The following KDM4C variants were observed in gnomAD, a reference collection of about 807,000 sequenced individuals.
KDM4C encodes lysine-specific demethylase 4C.
A neutral mutation model predicts 129.3 loss-of-function variants in KDM4C; 81 were observed. The observed-to-expected ratio is 0.63, with a 90% confidence interval of 0.52 to 0.75. KDM4C has a LOEUF of 0.75. Among genes scored for constraint, KDM4C ranks in the 30% least tolerant of loss-of-function variants. The probability of loss-of-function intolerance (pLI) is 0.00; values close to 1 mark genes in which losing one functional copy is unlikely to be tolerated. For synonymous variants in KDM4C, 573 were observed against 456.1 expected, an observed-to-expected ratio of 1.26 and a Z score of -3.26; for missense variants, 1,457 against 1,304.0, an observed-to-expected ratio of 1.12 and a Z score of -1.81.
At chr9:6,987,688 T>G (rs1817967748) in intron 11 of KDM4C, among the ~76,000 whole-genome samples, 1 of 152,172 alleles carries the variant, frequency 6.6e-6, no homozygotes, top group South Asian at 2.1e-4. Context: ...AAATGTTAAT[T>G]AAAATATACT....
intron 3 of KDM4C, among the ~76,000 whole-genome samples, chr9:6,809,950 G>A (rs1207173238): frequency 5.3e-5 from 8 of 151,878 alleles, no homozygotes; most frequent in Non-Finnish European, 1.2e-4. Context: ...TGATTGCACC[G>A]TTGTACTCCA....
chr9:7,127,337 T>G (rs1319097541), intron 18 of KDM4C, among the ~76,000 whole-genome samples: 1 of 152,100 alleles, frequency 6.6e-6, no homozygotes, highest in Non-Finnish European at 1.5e-5. Context: ...TTGATCAGGA[T>G]CAAAATTAAC....
chr9:7,049,392 T>G (rs915078630), intron 17 of KDM4C, among the ~76,000 whole-genome samples, 192 bp downstream of exon 17: 3 of 152,120 alleles, frequency 2.0e-5, no homozygotes, highest in African/African-American at 7.2e-5. Context: ...AGTTTGCATA[T>G]AACCTTCCTC....
At chr9:7,062,987 CTT>C (rs1831921349) in intron 17 of KDM4C, among the ~76,000 whole-genome samples, 1 of 152,070 alleles carries the variant, frequency 6.6e-6, no homozygotes, top group Non-Finnish European at 1.5e-5. Context: ...GAAGCACAAA[CTT>C]TATGAAACTC....
In KDM4C at chr9:6,774,291, T is replaced by A. The variant is rs551252117; in HGVS notation, c.-18+16088T>A. On this transcript the variant is annotated intron_variant, in intron 1 of 21. Coordinates refer to ENST00000381309, the MANE Select transcript of KDM4C (RefSeq NM_015061.6). ...ACCAGGCATGCAGGTTTGTCTTCCT[T>A]TAGGTAATATACAAACATATGGAAC... Among the ~76,000 whole-genome samples the A allele has an allele frequency of 5.3e-4, 81 of 152,322 alleles. 1 individual carries two copies. Among genetic ancestry groups the A allele is most frequent in the Admixed American group, 5.3e-3 (81 of 15,298 alleles).
At chr9:7,021,120 ATG>A (rs576805327) in intron 15 of KDM4C, among the ~76,000 whole-genome samples, 13 of 128,262 alleles carry the variant, frequency 1.0e-4, no homozygotes, top group Admixed American at 1.7e-4. Context: ...ACATATATAT[ATG>A]TGTGTGTGTG....
intron 8 of KDM4C, among the ~76,000 whole-genome samples, chr9:6,975,930 C>A (rs773972970): frequency 6.6e-6 from 1 of 152,092 alleles, no homozygotes; most frequent in Non-Finnish European, 1.5e-5. Flanking sequence ...CCCAGCTACT[C>A]GGGAGGCTGA....
At chr9:6,861,614 A>G (rs987447243) in intron 5 of KDM4C, among the ~76,000 whole-genome samples, 1 of 152,172 alleles carries the variant, frequency 6.6e-6, no homozygotes, top group Non-Finnish European at 1.5e-5. Flanking sequence ...AACATACCTC[A>G]AACTTAATAT....
intron 17 of KDM4C, among the ~76,000 whole-genome samples, chr9:7,089,552 G>A (rs926311926): frequency 5.1e-4 from 78 of 152,170 alleles, no homozygotes; most frequent in African/African-American, 1.8e-3. Context: ...ACTGCTTATC[G>A]CTGCAGCCTG....
intron 8 of KDM4C, among the ~76,000 whole-genome samples, chr9:6,929,617 A>T (rs1823295399): frequency 6.6e-6 from 1 of 151,006 alleles, no homozygotes; most frequent in African/African-American, 2.4e-5. Context: ...TAATGGGTAG[A>T]CTCTTTTTAG....
chr9:6,834,124 C>T (rs1048501560), intron 4 of KDM4C, among the ~76,000 whole-genome samples: 2 of 148,250 alleles, frequency 1.3e-5, no homozygotes. Context: ...CTGCAACCTC[C>T]GTCTTCTGGG....
intron 5 of KDM4C, among the ~76,000 whole-genome samples, chr9:6,859,473 C>CA (rs58056883): frequency 0.025 from 1,170 of 47,538 alleles, 46 homozygotes; most frequent in Non-Finnish European, 0.029. Context: ...GACTCTGTCT[C>CA]AAAAAAAAAA....
intron 20 of KDM4C, among the ~76,000 whole-genome samples, chr9:7,168,740 A>G (rs1259630109): frequency 2.6e-5 from 4 of 152,244 alleles, no homozygotes; most frequent in Admixed American, 2.0e-4. Context: ...TAAGAAATGC[A>G]TAAATTATTT....
intron 4 of KDM4C, among the ~76,000 whole-genome samples, chr9:6,829,059 G>A (rs1480901210): frequency 1.3e-5 from 2 of 152,222 alleles, no homozygotes; most frequent in Admixed American, 6.5e-5. Context: ...ATTGTGAGAC[G>A]TGTCAGCAAT....
Position 7,011,865 on chromosome 9 carries a change from A to T in KDM4C, c.1954A>T (p.Met652Leu), listed in dbSNP as rs1822771250. The change falls in exon 13 of 22, where the codon ATG becomes TTG. Residue 652 changes from methionine to leucine, a missense_variant. Met to Leu is a conservative substitution (Grantham distance 15). Coordinates refer to ENST00000381309, the MANE Select transcript of KDM4C (RefSeq NM_015061.6). ...KPHCAICTLL[M>L]PYHKPDSSNE... Reference sequence around the variant, plus strand: ...ACACTGTGCCATCTGCACTCTGCTCATGCCGTACCACAAGGTAAAGGAGCC... The same window carrying T: ...ACACTGTGCCATCTGCACTCTGCTCTTGCCGTACCACAAGGTAAAGGAGCC... 2 of 1,613,460 alleles carry T rather than the reference A, an allele frequency of 1.2e-6. No homozygotes were observed. The highest frequency in any genetic ancestry group is 1.3e-5 in the African/African-American group (1 of 74,940).
At chr9:7,045,748 C>A (rs563212086) in intron 15 of KDM4C, among the ~76,000 whole-genome samples, 9 of 152,112 alleles carry the variant, frequency 5.9e-5, no homozygotes, top group African/African-American at 1.9e-4. Flanking sequence ...ACACACAAAC[C>A]TGTTGGACAT....
At position 6,793,791 on chromosome 9, in the gene KDM4C, C is replaced by T. The variant is rs937598861; in HGVS notation, c.144+659C>T. On this transcript the variant is annotated intron_variant, in intron 2 of 21. Transcript: ENST00000381309. Reference sequence around the variant, plus strand: ...CTCCTGACCTCAGGTGATCCATCCGCCTCGGCTTCCCAAAGTGCGGGGATT... The same window carrying T: ...CTCCTGACCTCAGGTGATCCATCCGTCTCGGCTTCCCAAAGTGCGGGGATT... Among the ~76,000 whole-genome samples the T allele has an allele frequency of 8.5e-5, 13 of 152,198 alleles. No individual in the cohort carries two copies. In the South Asian group the frequency reaches 2.3e-3, roughly 27 times the overall value.
At chr9:6,783,397 C>T (rs1179686946) in intron 1 of KDM4C, among the ~76,000 whole-genome samples, 3 of 152,144 alleles carry the variant, frequency 2.0e-5, no homozygotes, top group African/African-American at 7.2e-5. Context: ...TCATTATTGT[C>T]TCTATACAGC....
intron 4 of KDM4C, among the ~76,000 whole-genome samples, chr9:6,841,304 C>T (rs972900504): frequency 4.6e-5 from 7 of 151,984 alleles, no homozygotes; most frequent in African/African-American, 1.7e-4. Flanking sequence ...AAATCAGCCA[C>T]ATGAGGATAA....
Sources: gnomAD v4.1 joint callset for allele counts (sites outside exome capture counted in the v4.1 genomes callset) on GRCh38, gnomAD v4.1.1 for gene constraint, MANE v1.5 for transcripts, NCBI Gene and HGNC (gene_info 2026-07-23, HGNC 2026-07-21) for gene names.